OPCML: variants seen among roughly 807,000 people sequenced by gnomAD.
OPCML encodes opioid binding protein/cell adhesion molecule like.
A neutral mutation model predicts 37.8 loss-of-function variants in OPCML; 13 were observed. That is an observed-to-expected ratio of 0.34 (90% CI 0.22 to 0.55). OPCML has a LOEUF of 0.55. OPCML is among the 20% of genes least tolerant of loss of function. The pLI, the probability that OPCML is intolerant of heterozygous loss-of-function variation, is 0.91. For synonymous variants in OPCML, 176 were observed against 168.8 expected, an observed-to-expected ratio of 1.04 and a Z score of -0.33; for missense variants, 341 against 435.6, an observed-to-expected ratio of 0.78 and a Z score of 1.93.
At chr11:133,189,768 A>G (rs1326064696) in intron 1 of OPCML, among the ~76,000 whole-genome samples, 3 of 152,230 alleles carry the variant, frequency 2.0e-5, no homozygotes, top group Non-Finnish European at 4.4e-5. Flanking sequence ...TAGGGCTCCA[A>G]TCAATTCAAG....
In OPCML at chr11:132,425,400, A is replaced by T. The variant is rs532323204; in HGVS notation, c.917-5107T>A. 4.6e-5 allele frequency among the ~76,000 whole-genome samples: 7 copies of T among 152,328 alleles called. No homozygotes were observed. In the South Asian group the frequency reaches 1.5e-3, roughly 32 times the overall value. On this transcript the variant is annotated intron_variant, in intron 7 of 7. Coordinates refer to ENST00000524381, the MANE Select transcript of OPCML (RefSeq NM_001012393.5). The stretch of plus-strand genomic sequence containing the variant: ...GCATTGATTTTAAGAGTCAGAACTG[A>T]ATTTGAATTCTGGCTCTGCTATCCA...
At chr11:132,640,915 C>T (rs1308757761) in intron 3 of OPCML, among the ~76,000 whole-genome samples, 1 of 152,164 alleles carries the variant, frequency 6.6e-6, no homozygotes. Flanking sequence ...CACACTGCAC[C>T]TCCTGGGAAG....
chr11:133,458,866 TAC>T (rs1310257580), intron 1 of OPCML, among the ~76,000 whole-genome samples: 6 of 97,404 alleles, frequency 6.2e-5, no homozygotes, highest in African/African-American at 2.7e-4. Flanking sequence ...TGTGTATATA[TAC>T]ACACACATAC....
At chr11:132,644,881 A>G (rs1344252622) in intron 3 of OPCML, among the ~76,000 whole-genome samples, 1 of 152,260 alleles carries the variant, frequency 6.6e-6, no homozygotes, top group Non-Finnish European at 1.5e-5. Context: ...TACAATTAAA[A>G]ACAAATTGAA....
intron 1 of OPCML, among the ~76,000 whole-genome samples, chr11:133,427,039 G>A (rs751954180): frequency 7.9e-5 from 12 of 152,064 alleles, no homozygotes; most frequent in East Asian, 1.9e-4. Context: ...GTACTATTAC[G>A]GGAGACTTTA....
intron 4 of OPCML, among the ~76,000 whole-genome samples, chr11:132,482,286 A>T (rs565511037): frequency 6.6e-6 from 1 of 152,252 alleles, no homozygotes; most frequent in South Asian, 2.1e-4. Context: ...AGAATACTAC[A>T]AACACCTCTA....
At chr11:132,866,088 C>G (rs899970093) in intron 2 of OPCML, among the ~76,000 whole-genome samples, 7 of 151,922 alleles carry the variant, frequency 4.6e-5, no homozygotes, top group African/African-American at 1.7e-4. Flanking sequence ...AAAAAAGTAG[C>G]TTAAAAATGA....
At chr11:132,920,811 C>A (rs1293604705) in intron 2 of OPCML, among the ~76,000 whole-genome samples, 3 of 152,190 alleles carry the variant, frequency 2.0e-5, no homozygotes, top group African/African-American at 7.2e-5. Context: ...AAGAGAGGGT[C>A]GTCTTCTGGG....
At chr11:132,531,837 A>G (rs1337609518) in intron 3 of OPCML, among the ~76,000 whole-genome samples, 1 of 151,622 alleles carries the variant, frequency 6.6e-6, no homozygotes, top group African/African-American at 2.4e-5. Flanking sequence ...TCACTTCTGT[A>G]AAGCAACAAC....
intron 2 of OPCML, among the ~76,000 whole-genome samples, chr11:132,735,228 A>G (rs559605378): frequency 1.3e-4 from 20 of 152,310 alleles, no homozygotes; most frequent in African/African-American, 4.8e-4. Flanking sequence ...TATCAGGCAA[A>G]CTTGGTATTA....
intron 1 of OPCML, among the ~76,000 whole-genome samples, chr11:133,052,392 A>G (rs892622141): frequency 5.3e-5 from 8 of 152,196 alleles, no homozygotes; most frequent in Non-Finnish European, 8.8e-5. Context: ...TGTGCTAGAA[A>G]CTATACTTGA....
intron 3 of OPCML, among the ~76,000 whole-genome samples, chr11:132,649,401 T>C (rs1366312809): frequency 1.3e-5 from 2 of 152,194 alleles, no homozygotes; most frequent in African/African-American, 4.8e-5. Context: ...CAAGGTGTCA[T>C]ATTCGTTAAT....
At chr11:133,218,540 A>G (rs1390422732) in intron 1 of OPCML, among the ~76,000 whole-genome samples, 1 of 152,158 alleles carries the variant, frequency 6.6e-6, no homozygotes, top group African/African-American at 2.4e-5. Flanking sequence ...AAGACGGTGA[A>G]CTAGTGTCCT....
intron 1 of OPCML, among the ~76,000 whole-genome samples, chr11:133,482,694 A>G (rs1177305595): frequency 6.6e-6 from 1 of 152,216 alleles, no homozygotes; most frequent in African/African-American, 2.4e-5. Context: ...TGGGATGAAG[A>G]AAATTGATGT....
At chr11:132,702,838 C>T (rs1943882274) in intron 2 of OPCML, among the ~76,000 whole-genome samples, 1 of 151,742 alleles carries the variant, frequency 6.6e-6, no homozygotes, top group Admixed American at 6.6e-5. Flanking sequence ...ACTGTCAATG[C>T]TTTATATGAA....
intron 1 of OPCML, chr11:133,024,828 C>T (rs1224019855): frequency 1.0e-6 from 1 of 985,272 alleles, no homozygotes; most frequent in African/African-American, 1.7e-5. Flanking sequence ...GCCTGGGTGA[C>T]CTGGTGAGGG....
At chr11:132,759,228 C>T (rs1261975125) in intron 2 of OPCML, among the ~76,000 whole-genome samples, 2 of 152,024 alleles carry the variant, frequency 1.3e-5, no homozygotes, top group Non-Finnish European at 2.9e-5. Flanking sequence ...ATTTTCGCAT[C>T]GATGTTCATC....
chr11:132,590,024 A>C (rs920229896), intron 3 of OPCML, among the ~76,000 whole-genome samples: 1 of 152,106 alleles, frequency 6.6e-6, no homozygotes, highest in Non-Finnish European at 1.5e-5. Flanking sequence ...CCTAAGTGAG[A>C]TTGGTGTGTT....
intron 2 of OPCML, among the ~76,000 whole-genome samples, chr11:132,754,058 G>A (rs1945943532): frequency 6.6e-6 from 1 of 152,230 alleles, no homozygotes. Flanking sequence ...TGCCTGGGCT[G>A]AGAGTGCCAG....
Sources: allele counts gnomAD v4.1 joint callset (sites outside exome capture counted in the v4.1 genomes callset), GRCh38; gene constraint gnomAD v4.1.1; transcripts MANE v1.5; gene names NCBI Gene and HGNC (gene_info 2026-07-23, HGNC 2026-07-21).